IRS1: variants seen among roughly 807,000 people sequenced by gnomAD.
The protein encoded by IRS1 is insulin receptor substrate 1.
Under a neutral mutation model 65.6 loss-of-function variants are expected in IRS1, and 34 were observed. That is an observed-to-expected ratio of 0.52 (90% CI 0.39 to 0.69). IRS1 has a LOEUF of 0.69. IRS1 is among the 30% of genes least tolerant of loss of function. The pLI is 0.00. For synonymous variants in IRS1, 699 were observed against 683.5 expected (o/e 1.02, Z -0.35); for missense variants, 1,641 against 1,720.2 (o/e 0.95, Z 0.81).
chr2:226,778,727 G>A (rs1269053376), intron 1 of IRS1, among the ~76,000 whole-genome samples: 1 of 152,154 alleles, frequency 6.6e-6, no homozygotes, highest in Non-Finnish European at 1.5e-5. Flanking sequence ...CACATAGGTG[G>A]CCACACTTGT....
Position 226,794,976 on chromosome 2 carries a change from C to G in IRS1, c.*21+13G>C, listed in dbSNP as rs375098761. 3.9e-5 allele frequency: 63 copies of G among 1,611,416 alleles called. No individual in the cohort carries two copies. In the African/African-American group the frequency reaches 7.3e-4, roughly 19 times the overall value. ...GCAGTTTTGTCTTCTGACTTTGTCA[C>G]CATGAAACGCACCTGCTGTGATGTC... On this transcript the variant is annotated intron_variant, in intron 1 of 1. Coordinates refer to ENST00000305123, the MANE Select transcript of IRS1 (RefSeq NM_005544.3). The surrounding 1 kb of genome is among the most constrained non-coding windows in gnomAD (Gnocchi z 4.1).
chr2:226,783,103 C>T (rs906379236), intron 1 of IRS1, among the ~76,000 whole-genome samples: 40 of 152,308 alleles, frequency 2.6e-4, no homozygotes, highest in Non-Finnish European at 4.4e-4. Context: ...AAAATAGAGA[C>T]AACCGCATCT....
intron 1 of IRS1, among the ~76,000 whole-genome samples, chr2:226,774,818 A>G (rs966235542): frequency 1.3e-4 from 20 of 152,236 alleles, no homozygotes; most frequent in African/African-American, 4.6e-4. Flanking sequence ...CATATTGCTA[A>G]GTAAACGAAG....
chr2:226,780,055 G>C (rs1676794910), intron 1 of IRS1, among the ~76,000 whole-genome samples: 1 of 152,120 alleles, frequency 6.6e-6, no homozygotes, highest in Non-Finnish European at 1.5e-5. Context: ...ACATCAGGAG[G>C]GAAATCTATG....
At chr2:226,762,009 A>G (rs1025568518) in intron 1 of IRS1, among the ~76,000 whole-genome samples, 3 of 152,214 alleles carry the variant, frequency 2.0e-5, no homozygotes, top group Admixed American at 1.3e-4. Flanking sequence ...AAGAACTAAA[A>G]TGGCAGCATA....
In IRS1 at chr2:226,794,846, C is replaced by T; in HGVS notation, c.*21+143G>A. The T allele has an allele frequency of 2.6e-6, 2 of 775,224 alleles. No homozygotes were observed. The highest frequency in any genetic ancestry group is 4.5e-6 in the Non-Finnish European group (2 of 444,530). 48.0% of individuals were successfully genotyped at this position (775,224 alleles called of 1,614,324 possible). A position where few individuals can be genotyped will look rare whatever the true frequency, so the allele number is the denominator to read the frequency against. On this transcript the variant is annotated intron_variant, in intron 1 of 1. Coordinates refer to ENST00000305123, the MANE Select transcript of IRS1 (RefSeq NM_005544.3). This position sits in a 1 kb window ranked among gnomAD's most constrained non-coding sequence, Gnocchi z 4.1. The stretch of plus-strand genomic sequence containing the variant: ...CTGCCAGATGTCAGTGTGGGGTGAG[C>T]ATCTTGTGTGCCCTGAGAATGTAAG...
chr2:226,782,737 A>C (rs1291231612), intron 1 of IRS1, among the ~76,000 whole-genome samples: 1 of 152,222 alleles, frequency 6.6e-6, no homozygotes, highest in Non-Finnish European at 1.5e-5. Context: ...GCTGTGGCTC[A>C]TGCCTGGAAT....
At chr2:226,780,193 C>T (rs1315057459) in intron 1 of IRS1, among the ~76,000 whole-genome samples, 4 of 152,046 alleles carry the variant, frequency 2.6e-5, no homozygotes, top group African/African-American at 9.7e-5. Flanking sequence ...GAGTTCAAGA[C>T]CAGCCTGGCC....
At chr2:226,749,938 G>T (rs1336634251) in intron 1 of IRS1, among the ~76,000 whole-genome samples, 1 of 152,096 alleles carries the variant, frequency 6.6e-6, no homozygotes, top group Non-Finnish European at 1.5e-5. Flanking sequence ...TGATTGTGTG[G>T]TATTGTTGAC....
intron 1 of IRS1, among the ~76,000 whole-genome samples, chr2:226,782,553 C>T (rs1335778183): frequency 6.6e-6 from 1 of 152,194 alleles, no homozygotes; most frequent in Non-Finnish European, 1.5e-5. Context: ...GCGCCCTGCA[C>T]CAGTTCTCAT....
rs965322167 is a variant in IRS1, at chr2:226,735,483, C to G, written c.*789G>C. On this transcript the variant is annotated 3_prime_UTR_variant, in exon 2 of 2. Coordinates refer to ENST00000305123, the MANE Select transcript of IRS1 (RefSeq NM_005544.3). ...TTAATTAACATGGCCTATTGTCTTA[C>G]AGGAAAAAATACAAAATTAAGATTA... is the stretch of plus-strand genomic sequence containing the variant. 1 of 152,300 alleles carries G rather than the reference C, an allele frequency of 6.6e-6. No individual in the cohort carries two copies. The highest frequency in any genetic ancestry group is 1.5e-5 in the Non-Finnish European group (1 of 68,006). 9.4% of individuals were successfully genotyped at this position (152,300 alleles called of 1,614,324 possible).
chr2:226,797,009 A>C lies in IRS1; in HGVS notation c.1730T>G (p.Val577Gly). Residue 577 changes from valine to glycine, a missense_variant, in exon 1 of 2, where the codon GTG becomes GGG. Val to Gly is a moderately radical substitution (Grantham distance 109). Around this residue, in one of 3 missense-constraint regions of IRS1, gnomAD observed 1,324 missense variants for 1,361.0 expected, o/e 0.97. Coordinates refer to ENST00000305123, the MANE Select transcript of IRS1 (RefSeq NM_005544.3). This position sits in a 1 kb window ranked among gnomAD's most constrained non-coding sequence, Gnocchi z 8.1. ...RLPGHRHSAFVPTRSYPEEGL... is the reference protein window; with the variant it reads ...RLPGHRHSAFGPTRSYPEEGL... ...CTCCTCTGGGTAGGAGCGGGTGGGC[A>C]CGAAGGCGGAGTGCCTGTGTCCCGG... 6.2e-7 allele frequency: 1 copy of C among 1,601,742 alleles called. No individual in the cohort carries two copies.
In IRS1 at chr2:226,795,113, T is replaced by C. The variant is rs1394943892; in HGVS notation, c.3626A>G (p.Gln1209Arg). Residue 1209 changes from glutamine to arginine, a missense_variant, in exon 1 of 2, where the codon CAA (glutamine) becomes CGA (arginine). Around this residue, in one of 3 missense-constraint regions of IRS1, gnomAD observed 1,324 missense variants for 1,361.0 expected, o/e 0.97. Coordinates refer to ENST00000305123, the MANE Select transcript of IRS1 (RefSeq NM_005544.3). ...PQPPPPPPPH[Q>R]PLGSGESSST... The stretch of plus-strand genomic sequence containing the variant: ...GCTGCTCTCACCGCTGCCCAGGGGT[T>C]GATGAGGGGGTGGGGGTGGGGGAGG... 1.4e-5 allele frequency: 13 copies of C among 902,368 alleles called. No homozygotes were observed. Among genetic ancestry groups the C allele is most frequent in the Non-Finnish European group, 2.0e-5 (13 of 652,670 alleles). 55.9% of individuals were successfully genotyped at this position (902,368 alleles called of 1,614,324 possible).
chr2:226,795,940 C>A lies in IRS1; in HGVS notation c.2799G>T (p.Glu933Asp), dbSNP rs375107533. Residue 933 changes from glutamate to aspartate, a missense_variant, in exon 1 of 2, where the codon GAG becomes GAT. Glu to Asp is a conservative substitution (Grantham distance 45). This residue lies in a region of IRS1 where 1,324 missense variants were observed against 1,361.0 expected (regional missense o/e 0.97). Transcript: ENST00000305123. ...CPSQLQPAPR[E>D]EETGTEEYMK... ...TGTACTCCTCAGTGCCAGTCTCTTC[C>A]TCTCTGGGAGCTGGCTGGAGCTGGG... is the stretch of plus-strand genomic sequence containing the variant. 6.2e-7 allele frequency: 1 copy of A among 1,614,108 alleles called. No individual in the cohort carries two copies. Among genetic ancestry groups the A allele is most frequent in the South Asian group, 1.1e-5 (1 of 91,086 alleles).
At chr2:226,787,886 C>T (rs1298817904) in intron 1 of IRS1, among the ~76,000 whole-genome samples, 1 of 152,086 alleles carries the variant, frequency 6.6e-6, no homozygotes, top group Non-Finnish European at 1.5e-5. Flanking sequence ...ATTCCAGTGG[C>T]CTTTAACTAA....
At chr2:226,743,352 C>T (rs558321553) in intron 1 of IRS1, among the ~76,000 whole-genome samples, 1 of 152,168 alleles carries the variant, frequency 6.6e-6, no homozygotes, top group Non-Finnish European at 1.5e-5. Context: ...GCTTCAGCCT[C>T]CCAAGTAGCT....
chr2:226,787,509 T>C (rs1939508866), intron 1 of IRS1, among the ~76,000 whole-genome samples: 1 of 152,188 alleles, frequency 6.6e-6, no homozygotes, highest in Non-Finnish European at 1.5e-5. Context: ...TTTCCCTCCA[T>C]TTCCATGAAT....
In IRS1 at chr2:226,796,926, T is replaced by C; in HGVS notation, c.1813A>G (p.Thr605Ala). 6.5e-7 allele frequency: 1 copy of C among 1,549,158 alleles called. No homozygotes were observed. The highest frequency in any genetic ancestry group is 8.7e-7 in the Non-Finnish European group (1 of 1,145,802). ...RGGHHRPDSS[T>A]LHTDDGYMPM... ...ATGTAGCCATCATCCGTGTGGAGGG[T>C]GGAGCTGTCTGGGCGGTGGTGCCCC... The change falls in exon 1 of 2, where the codon ACC becomes GCC. Residue 605 changes from threonine to alanine, a missense_variant. Around this residue, in one of 3 missense-constraint regions of IRS1, gnomAD observed 1,324 missense variants for 1,361.0 expected, o/e 0.97. Coordinates refer to ENST00000305123, the MANE Select transcript of IRS1 (RefSeq NM_005544.3).
chr2:226,733,089 A>G lies in IRS1; in HGVS notation c.*3183T>C, dbSNP rs1938262243. 1 of 152,092 alleles carries G rather than the reference A, an allele frequency of 6.6e-6. No individual in the cohort carries two copies. Among genetic ancestry groups the G allele is most frequent in the African/African-American group, 2.4e-5 (1 of 41,336 alleles). 9.4% of individuals were successfully genotyped at this position (152,092 alleles called of 1,614,324 possible). A position where few individuals can be genotyped will look rare whatever the true frequency, so the allele number is the denominator to read the frequency against. On this transcript the variant is annotated 3_prime_UTR_variant, in exon 2 of 2. Coordinates refer to ENST00000305123, the MANE Select transcript of IRS1 (RefSeq NM_005544.3). ...CCCCCTTTTTTTAACCACCTGCAGT[A>G]AATAAATATAAAGTTTCCGACTTTG...
Sources: allele counts gnomAD v4.1 joint callset (sites outside exome capture counted in the v4.1 genomes callset), GRCh38; gene constraint gnomAD v4.1.1; regional missense constraint gnomAD v4.1.1; non-coding constraint Gnocchi (gnomAD v3.1); transcripts MANE v1.5; gene names NCBI Gene and HGNC (gene_info 2026-07-23, HGNC 2026-07-21).